The following TENM2 variants were observed in gnomAD, a reference collection of about 807,000 sequenced individuals.
TENM2 encodes teneurin transmembrane protein 2.
Under a neutral mutation model 245.2 loss-of-function variants are expected in TENM2, and 52 were observed. The observed-to-expected ratio is 0.21, with a 90% confidence interval of 0.17 to 0.27. The LOEUF is 0.27. TENM2 is among the 10% of genes least tolerant of loss of function. TENM2 has a pLI of 1.00. For synonymous variants in TENM2, 1,363 were observed against 1,438.9 expected, an observed-to-expected ratio of 0.95 and a Z score of 1.19; for missense variants, 3,046 against 3,666.8, an observed-to-expected ratio of 0.83 and a Z score of 4.37.
chr5:167,702,405 C>T (rs964035643), intron 2 of TENM2, among the ~76,000 whole-genome samples: 3 of 151,906 alleles, frequency 2.0e-5, no homozygotes, highest in Admixed American at 6.6e-5. Flanking sequence ...CTGAATTCAT[C>T]TCTGTCTTGC....
intron 2 of TENM2, among the ~76,000 whole-genome samples, chr5:167,479,062 G>A (rs978184158): frequency 6.6e-6 from 1 of 151,962 alleles, no homozygotes; most frequent in Admixed American, 6.6e-5. Flanking sequence ...AGTGATATCA[G>A]TTTGGAACTA....
At chr5:167,659,739 A>T (rs1755080431) in intron 2 of TENM2, among the ~76,000 whole-genome samples, 3 of 152,250 alleles carry the variant, frequency 2.0e-5, no homozygotes, top group South Asian at 2.1e-4. Context: ...GGGAAAAAAA[A>T]ATCTTTTTGT....
intron 7 of TENM2, among the ~76,000 whole-genome samples, chr5:168,075,470 C>G (rs1333415745): frequency 6.6e-6 from 1 of 152,160 alleles, no homozygotes; most frequent in African/African-American, 2.4e-5. Flanking sequence ...TCAGTAAGCA[C>G]CACCACAGCC....
intron 9 of TENM2, among the ~76,000 whole-genome samples, chr5:168,100,948 A>G (rs2152284705): frequency 6.7e-6 from 1 of 149,636 alleles, no homozygotes; most frequent in South Asian, 2.1e-4. Flanking sequence ...AAAAGACAAG[A>G]TGCTGCCCGA....
intron 11 of TENM2, among the ~76,000 whole-genome samples, chr5:168,126,247 G>A (rs775056770): frequency 1.8e-4 from 27 of 152,314 alleles, no homozygotes; most frequent in Non-Finnish European, 2.9e-5. Context: ...CTGACCTCTT[G>A]TGCTTGGTCA....
At chr5:167,798,927 C>G (rs965150635) in intron 2 of TENM2, among the ~76,000 whole-genome samples, 3 of 152,240 alleles carry the variant, frequency 2.0e-5, no homozygotes, top group Non-Finnish European at 2.9e-5. Context: ...AAGAACAGTT[C>G]TCTCTCTTCT....
chr5:168,218,631 C>T lies in TENM2; in HGVS notation c.4740C>T (p.Phe1580=). 1 of 1,614,024 alleles carries T rather than the reference C, an allele frequency of 6.2e-7. No homozygotes were observed. The highest frequency in any genetic ancestry group is 8.5e-7 in the Non-Finnish European group (1 of 1,179,910). Reference sequence around the variant, plus strand: ...AGAACAAGCCTGTTCTTAATGCCTTCAACCAGTATGAGGCTGCATCCCCCG... The same window carrying T: ...AGAACAAGCCTGTTCTTAATGCCTTTAACCAGTATGAGGCTGCATCCCCCG... Residue 1580 remains phenylalanine (F), a synonymous_variant, in exon 23 of 29, where the codon TTC becomes TTT. Transcript: ENST00000518659. This position sits in a 1 kb window ranked among gnomAD's most constrained non-coding sequence, Gnocchi z 5.2.
At chr5:168,195,625 G>A (rs1761367428) in intron 15 of TENM2, among the ~76,000 whole-genome samples, 1 of 138,622 alleles carries the variant, frequency 7.2e-6, no homozygotes, top group East Asian at 2.1e-4. Flanking sequence ...GGTGGGGGCA[G>A]GTTCTAGAAA....
Position 167,595,033 on chromosome 5 carries a change from A to G in TENM2, c.502+219560A>G, listed in dbSNP as rs1269141168. On this transcript the variant is annotated intron_variant, in intron 2 of 28. Transcript: ENST00000518659. Reference sequence around the variant, plus strand: ...TCATTTGAAACTGCCAGGACTGATCAGTGCAAAATCAAGCAGCCCTTTCTG... The same window carrying G: ...TCATTTGAAACTGCCAGGACTGATCGGTGCAAAATCAAGCAGCCCTTTCTG... 2.0e-5 allele frequency among the ~76,000 whole-genome samples: 3 copies of G among 152,244 alleles called. No homozygotes were observed. In the East Asian group the frequency reaches 5.8e-4, roughly 29 times the overall value.
At chr5:167,659,774 A>T (rs1755083562) in intron 2 of TENM2, among the ~76,000 whole-genome samples, 1 of 152,120 alleles carries the variant, frequency 6.6e-6, no homozygotes. Context: ...CCTTCTAGTT[A>T]CTGACTGGGT....
intron 2 of TENM2, among the ~76,000 whole-genome samples, chr5:167,650,199 A>T (rs536081512): frequency 6.6e-6 from 1 of 152,192 alleles, no homozygotes; most frequent in Non-Finnish European, 1.5e-5. Context: ...AAACTGAAAG[A>T]ATTTCCACTT....
chr5:167,689,079 G>C (rs1757260572), intron 2 of TENM2, among the ~76,000 whole-genome samples: 1 of 152,182 alleles, frequency 6.6e-6, no homozygotes, highest in South Asian at 2.1e-4. Flanking sequence ...TGAGTCTTCT[G>C]AGAAGCAGAT....
At chr5:167,531,220 C>T (rs1771478374) in intron 2 of TENM2, among the ~76,000 whole-genome samples, 1 of 152,156 alleles carries the variant, frequency 6.6e-6, no homozygotes. Flanking sequence ...CAGGAATGCC[C>T]TGTGCTGGTG....
At chr5:168,045,230 C>G (rs115821359) in intron 5 of TENM2, among the ~76,000 whole-genome samples, 1 of 152,070 alleles carries the variant, frequency 6.6e-6, no homozygotes, top group Non-Finnish European at 1.5e-5. Flanking sequence ...CCCTTTCCAC[C>G]TCATCTGTAG....
chr5:168,040,045 T>G (rs1788048736), intron 5 of TENM2, among the ~76,000 whole-genome samples: 1 of 152,114 alleles, frequency 6.6e-6, no homozygotes, highest in Non-Finnish European at 1.5e-5. Flanking sequence ...ATAGATTAAT[T>G]CTCTGGTCTT....
chr5:167,759,438 T>C (rs768522042), intron 2 of TENM2, among the ~76,000 whole-genome samples: 4 of 152,160 alleles, frequency 2.6e-5, no homozygotes, highest in Non-Finnish European at 5.9e-5. Flanking sequence ...TCTGATTTTG[T>C]AAGTGGAAAA....
intron 2 of TENM2, among the ~76,000 whole-genome samples, chr5:167,699,343 T>G (rs530275086): frequency 6.6e-6 from 1 of 152,128 alleles, no homozygotes; most frequent in South Asian, 2.1e-4. Context: ...GCTATGAATA[T>G]CAAGCAGGGA....
exon 21 of TENM2, chr5:168,215,114 G>T: frequency 1.2e-6 from 2 of 1,613,884 alleles, no homozygotes; most frequent in Non-Finnish European, 1.7e-6. Flanking sequence ...GACACCAACA[G>T]CAGGAGAATC....
intron 2 of TENM2, among the ~76,000 whole-genome samples, chr5:167,515,064 A>G (rs1770231114): frequency 6.6e-6 from 1 of 152,128 alleles, no homozygotes; most frequent in South Asian, 2.1e-4. Flanking sequence ...ATGGAAAGGA[A>G]ACCTGAGCCA....
Sources: gnomAD v4.1 joint callset for allele counts (sites outside exome capture counted in the v4.1 genomes callset) on GRCh38, gnomAD v4.1.1 for gene constraint, Gnocchi (gnomAD v3.1) non-coding constraint, MANE v1.5 for transcripts, NCBI Gene and HGNC (gene_info 2026-07-23, HGNC 2026-07-21) for gene names.